Variants in NALF2 observed in about 807,000 individuals in gnomAD.
The protein encoded by NALF2 is bB57D9.1 (TED protein).
In NALF2, 1 loss-of-function variant was observed where a neutral mutation model predicts 24.8. The observed-to-expected ratio is 0.04, with a 90% CI of 0.01 to 0.19. The LOEUF is 0.19. Ranked by LOEUF, NALF2 falls within the 10% of genes least tolerant of loss-of-function variation. The pLI, the probability that NALF2 is intolerant of heterozygous loss-of-function variation, is 1.00. For missense variants in NALF2, 458 were observed against 409.6 expected, an observed-to-expected ratio of 1.12 and a Z score of -1.02; for synonymous variants, 254 against 189.8, an observed-to-expected ratio of 1.34 and a Z score of -2.78.
chrX:69,516,199 T>C (rs1439467716), intron 1 of NALF2, among the ~76,000 whole-genome samples: 3 of 112,040 alleles, frequency 2.7e-5, no homozygotes, highest in Non-Finnish European at 5.6e-5. Context: ...TGAGCAAACC[T>C]AGGGTTTGGA....
chrX:69,528,713 A>T (rs942766391), intron 1 of NALF2, among the ~76,000 whole-genome samples: 1 of 112,323 alleles, frequency 8.9e-6, no homozygotes, highest in African/African-American at 3.2e-5. Context: ...GGCTCCTTCC[A>T]GTTCTGACCT....
At chrX:69,510,745 A>C (rs965993745) in intron 1 of NALF2, among the ~76,000 whole-genome samples, 5 of 111,993 alleles carry the variant, frequency 4.5e-5, no homozygotes, top group Non-Finnish European at 9.4e-5. Flanking sequence ...GAATGTGAGC[A>C]TGGGGTTCTG....
intron 1 of NALF2, among the ~76,000 whole-genome samples, chrX:69,522,223 A>G (rs1469578843): frequency 1.8e-5 from 2 of 112,307 alleles, no homozygotes; most frequent in Admixed American, 9.4e-5. Context: ...AACAGCAGAT[A>G]GGGCAGTGTT....
rs1395245476 is a variant in NALF2 at position 69,504,422 on chromosome X, C to G, written c.-861C>G. Among the ~76,000 whole-genome samples, 2 of 113,410 alleles carry G rather than the reference C, an allele frequency of 1.8e-5. No individual in the cohort carries two copies. The highest frequency in any genetic ancestry group is 6.4e-5 in the African/African-American group (2 of 31,318). ...GGCTCTCAAGGTGTTCTCCGCACAGCGGAAGATGGCGACAGACTGAGGGTG... is the reference window on the plus strand; with the variant it reads ...GGCTCTCAAGGTGTTCTCCGCACAGGGGAAGATGGCGACAGACTGAGGGTG... On this transcript the variant is annotated 5_prime_UTR_variant, in exon 1 of 3. Coordinates refer to ENST00000252338, the MANE Select transcript of NALF2 (RefSeq NM_015686.3).
At chrX:69,524,933 A>G in intron 1 of NALF2, among the ~76,000 whole-genome samples, 1 of 111,359 alleles carries the variant, frequency 9.0e-6, no homozygotes, top group East Asian at 2.8e-4. Context: ...CTGCCTCGCC[A>G]CCCACAGGCC....
At chrX:69,524,188 C>G (rs765933866) in intron 1 of NALF2, among the ~76,000 whole-genome samples, 3 of 107,540 alleles carry the variant, frequency 2.8e-5, no homozygotes, top group Admixed American at 2.0e-4. Flanking sequence ...ACCTCCTCCC[C>G]CTGGGCAAAG....
chrX:69,524,416 C>T (rs1207005793), intron 1 of NALF2, among the ~76,000 whole-genome samples: 1 of 111,404 alleles, frequency 9.0e-6, no homozygotes, highest in Non-Finnish European at 1.9e-5. Flanking sequence ...TTTTTGGAAG[C>T]TCTTTGAGTG....
chrX:69,512,511 G>A (rs906110995), intron 1 of NALF2, among the ~76,000 whole-genome samples: 14 of 111,762 alleles, frequency 1.3e-4, no homozygotes, highest in African/African-American at 4.2e-4. Context: ...ACCAGAAGAT[G>A]AGGCCAACTG....
At chrX:69,508,900 C>T (rs1930537190) in intron 1 of NALF2, among the ~76,000 whole-genome samples, 1 of 112,420 alleles carries the variant, frequency 8.9e-6, no homozygotes. Flanking sequence ...AGAAACCAAG[C>T]TGGGAACCTC....
At chrX:69,517,129 A>G (rs926117959) in intron 1 of NALF2, among the ~76,000 whole-genome samples, 3 of 111,633 alleles carry the variant, frequency 2.7e-5, no homozygotes, top group Non-Finnish European at 5.6e-5. Flanking sequence ...GATTAACCTG[A>G]CTTCAAATTT....
At chrX:69,507,533 C>T (rs1402406741) in intron 1 of NALF2, among the ~76,000 whole-genome samples, 1 of 111,211 alleles carries the variant, frequency 9.0e-6, no homozygotes, top group African/African-American at 3.3e-5. Flanking sequence ...TACACCATCA[C>T]CACCACCCCG....
intron 2 of NALF2, 100 bp from the exon 3 acceptor site, chrX:69,529,471 G>A: frequency 9.0e-7 from 1 of 1,106,731 alleles, no homozygotes; most frequent in South Asian, 2.3e-5. Flanking sequence ...CCTTAGATGA[G>A]GCTACTTGAG....
intron 2 of NALF2, 75 bp downstream of exon 2, chrX:69,529,239 C>G (rs1317023476): frequency 1.9e-6 from 2 of 1,042,254 alleles, no homozygotes. Context: ...GAGTTGGGAG[C>G]AGGGATAACA....
At chrX:69,514,401 T>A (rs1485722524) in intron 1 of NALF2, among the ~76,000 whole-genome samples, 1 of 111,410 alleles carries the variant, frequency 9.0e-6, no homozygotes, top group Admixed American at 9.5e-5. Flanking sequence ...AGTACTTCAT[T>A]CCTTTTTATG....
At chrX:69,521,764 C>A (rs1930738303) in intron 1 of NALF2, among the ~76,000 whole-genome samples, 1 of 112,009 alleles carries the variant, frequency 8.9e-6, no homozygotes, top group South Asian at 3.7e-4. Context: ...GTTGAGCCAT[C>A]ATAAGTTGGG....
At chrX:69,529,454 G>C in intron 2 of NALF2, 117 bp from the exon 3 acceptor site, 1 of 1,077,277 alleles carries the variant, frequency 9.3e-7, no homozygotes, top group Non-Finnish European at 1.2e-6. Context: ...GGGCTGTGGG[G>C]AGGGAGCCTT....
intron 1 of NALF2, among the ~76,000 whole-genome samples, chrX:69,522,165 A>G (rs777252034): frequency 4.5e-5 from 5 of 112,011 alleles, no homozygotes; most frequent in Non-Finnish European, 7.5e-5. Context: ...AAGGCTTACA[A>G]TCAGAAACTG....
At chrX:69,514,938 A>G (rs1171903286) in intron 1 of NALF2, among the ~76,000 whole-genome samples, 2 of 112,247 alleles carry the variant, frequency 1.8e-5, no homozygotes, top group African/African-American at 3.2e-5. Flanking sequence ...TGAGTGTACA[A>G]TATTCCATCA....
chrX:69,506,284 C>T, intron 1 of NALF2, 141 bp downstream of exon 1: 1 of 626,072 alleles, frequency 1.6e-6, no homozygotes, highest in East Asian at 3.6e-5. Context: ...CCAGTGCCAC[C>T]CTGGGACCTT....
Sources: gnomAD v4.1 joint callset for allele counts (sites outside exome capture counted in the v4.1 genomes callset) on GRCh38, gnomAD v4.1.1 for gene constraint, MANE v1.5 for transcripts, NCBI Gene and HGNC (gene_info 2026-07-23, HGNC 2026-07-21) for gene names.